Variants in TEC observed in about 807,000 individuals in gnomAD.
The protein encoded by TEC is tyrosine-protein kinase Tec.
TEC carries 72 observed loss-of-function variants against 93.0 expected under a neutral mutation model. That is an observed-to-expected ratio of 0.77 (90% CI 0.64 to 0.94). The LOEUF is 0.94. Ranked by LOEUF, TEC falls within the 40% of genes least tolerant of loss-of-function variation. The pLI is 0.00. For missense variants in TEC, 630 were observed against 757.9 expected, an observed-to-expected ratio of 0.83 and a Z score of 1.98; for synonymous variants, 249 against 247.7, an observed-to-expected ratio of 1.01 and a Z score of -0.05.
rs533048164 is a variant in TEC at position 48,163,545 on chromosome 4, TCA to T, written c.737+155_737+156del. On this transcript the variant is annotated intron_variant, in intron 8 of 17. Transcript: ENST00000381501. ...AAAAATATATTATAGAGATTAATTCTCAGTCTTTTACCACATCAGGCAATTGA... is the reference window on the plus strand; with the variant it reads ...AAAAATATATTATAGAGATTAATTCTGTCTTTTACCACATCAGGCAATTGA... Among the ~76,000 whole-genome samples the T allele has an allele frequency of 1.6e-4, 25 of 152,326 alleles. No homozygotes were observed. The South Asian group carries it at 4.1e-3, about 25-fold the overall frequency.
chr4:48,208,587 G>A lies in TEC; in HGVS notation c.138+19890C>T, dbSNP rs1722791160. Among the ~76,000 whole-genome samples the A allele has an allele frequency of 2.0e-5, 3 of 151,868 alleles. No individual in the cohort carries two copies. The South Asian group carries it at 6.3e-4, about 32-fold the overall frequency. On this transcript the variant is annotated intron_variant, in intron 2 of 17. Transcript: ENST00000381501. ...AATAAAGCATTTCCCACCTCCCTGG[G>A]GTCCTTTGTACTCTTGGCTTCTCCG...
chr4:48,229,812 G>A (rs1171073550), intron 1 of TEC, among the ~76,000 whole-genome samples: 1 of 151,824 alleles, frequency 6.6e-6, no homozygotes, highest in South Asian at 2.1e-4. Context: ...GGTGGCTCAC[G>A]CCTGTAATCC....
chr4:48,138,587 T>A (rs1719525074), intron 17 of TEC, 78 bp downstream of exon 17: 1 of 1,490,794 alleles, frequency 6.7e-7, no homozygotes, highest in Non-Finnish European at 9.0e-7. Context: ...CTCACTAGGC[T>A]ATAAAGACTG....
chr4:48,160,801 AAG>A (rs1186843428), intron 8 of TEC, among the ~76,000 whole-genome samples: 2 of 126,852 alleles, frequency 1.6e-5, no homozygotes, highest in African/African-American at 5.7e-5. Flanking sequence ...AGAAGAAAGA[AAG>A]AGAAAGAGAA....
intron 7 of TEC, among the ~76,000 whole-genome samples, chr4:48,166,374 A>G (rs909841018): frequency 6.6e-6 from 1 of 152,198 alleles, no homozygotes; most frequent in Non-Finnish European, 1.5e-5. Context: ...AGCTTGATTT[A>G]TAACTCCTAA....
At chr4:48,184,080 T>C (rs2109569577) in intron 2 of TEC, among the ~76,000 whole-genome samples, 1 of 152,350 alleles carries the variant, frequency 6.6e-6, no homozygotes, top group East Asian at 1.9e-4. Flanking sequence ...CTAACAATTA[T>C]AGAACACTTA....
At chr4:48,197,214 G>A (rs574274317) in intron 2 of TEC, among the ~76,000 whole-genome samples, 2 of 152,334 alleles carry the variant, frequency 1.3e-5, no homozygotes, top group South Asian at 2.1e-4. Flanking sequence ...CAGAGGCAGT[G>A]CAGTACAATG....
intron 8 of TEC, among the ~76,000 whole-genome samples, chr4:48,160,783 A>AAAAGAAAAAAAG (rs1720609585): frequency 4.8e-5 from 7 of 146,170 alleles, no homozygotes; most frequent in Middle Eastern, 3.5e-3. Context: ...AGAAAGAAAG[A>AAAAGAAAAAAAG]AAAGAAAAGA....
At position 48,145,297 on chromosome 4, in the gene TEC, T is replaced by C; in HGVS notation, c.1254-2A>G. On this transcript the variant is annotated splice_acceptor_variant, in intron 13 of 17. Coordinates refer to ENST00000381501, the MANE Select transcript of TEC (RefSeq NM_003215.3). LOFTEE classifies it high-confidence loss of function. The stretch of plus-strand genomic sequence containing the variant: ...ACTAACTTCGGGTGTGTCAGTTTCC[T>C]GGGAAGGAAGACATATATATAGTTA... The C allele has an allele frequency of 6.2e-7, 1 of 1,614,122 alleles. No individual in the cohort carries two copies. The highest frequency in any genetic ancestry group is 8.5e-7 in the Non-Finnish European group (1 of 1,180,006).
At chr4:48,228,781 G>T in intron 1 of TEC, 122 bp from the exon 2 acceptor site, 1 of 732,064 alleles carries the variant, frequency 1.4e-6, no homozygotes, top group Non-Finnish European at 2.0e-6. Context: ...ATTGATCTCT[G>T]TGCCCAAACT....
At chr4:48,206,777 C>CAAAAAAA (rs34761710) in intron 2 of TEC, among the ~76,000 whole-genome samples, 4 of 89,216 alleles carry the variant, frequency 4.5e-5, no homozygotes, top group Non-Finnish European at 4.8e-5. Context: ...CTCGTTGCTA[C>CAAAAAAA]AAAAAAAAAA....
At chr4:48,186,692 C>A (rs1721874147) in intron 2 of TEC, among the ~76,000 whole-genome samples, 1 of 150,734 alleles carries the variant, frequency 6.6e-6, no homozygotes, top group South Asian at 2.1e-4. Context: ...GGAGCCCCTC[C>A]GCCCGGCAGC....
At chr4:48,225,169 T>C (rs1228649372) in intron 2 of TEC, among the ~76,000 whole-genome samples, 5 of 152,046 alleles carry the variant, frequency 3.3e-5, no homozygotes, top group African/African-American at 1.2e-4. Context: ...CCTTTTTTTC[T>C]CTTTCTTTTT....
At chr4:48,186,483 G>A (rs1327873192) in intron 2 of TEC, among the ~76,000 whole-genome samples, 8 of 151,840 alleles carry the variant, frequency 5.3e-5, no homozygotes, top group Non-Finnish European at 2.9e-5. Flanking sequence ...CGTCTGGGAT[G>A]TGAGGAGCGC....
chr4:48,178,836 T>C (rs1424259048), intron 2 of TEC, among the ~76,000 whole-genome samples: 1 of 152,160 alleles, frequency 6.6e-6, no homozygotes. Flanking sequence ...TTCTCCTCTG[T>C]TCCTAAAAGA....
intron 5 of TEC, 121 bp downstream of exon 5, chr4:48,170,127 C>T: frequency 1.3e-6 from 1 of 748,698 alleles, no homozygotes; most frequent in Non-Finnish European, 2.0e-6. Flanking sequence ...CACACCTACC[C>T]TACATTTTCA....
At chr4:48,211,264 G>C (rs1290339108) in intron 2 of TEC, among the ~76,000 whole-genome samples, 1 of 152,164 alleles carries the variant, frequency 6.6e-6, no homozygotes, top group Non-Finnish European at 1.5e-5. Context: ...ACAGAATACA[G>C]CTGATAAGCT....
At chr4:48,259,292 CA>C (rs1198945885) in intron 1 of TEC, among the ~76,000 whole-genome samples, 12 of 152,148 alleles carry the variant, frequency 7.9e-5, no homozygotes, top group Admixed American at 6.5e-4. Flanking sequence ...GGTAATGAAA[CA>C]ATATGTATAA....
intron 2 of TEC, among the ~76,000 whole-genome samples, chr4:48,182,695 A>G (rs1170917827): frequency 6.6e-6 from 1 of 152,174 alleles, no homozygotes; most frequent in Non-Finnish European, 1.5e-5. Flanking sequence ...TAAACTACAC[A>G]TCAACTGAAT....
Sources: gnomAD v4.1 joint callset for allele counts (sites outside exome capture counted in the v4.1 genomes callset) on GRCh38, gnomAD v4.1.1 for gene constraint, MANE v1.5 for transcripts, NCBI Gene and HGNC (gene_info 2026-07-23, HGNC 2026-07-21) for gene names.